Variants in OR4N2 observed in about 807,000 individuals in gnomAD.
The protein encoded by OR4N2 is olfactory receptor family 4 subfamily N member 2, also known as olfactory receptor 4N2.
For missense variants in OR4N2, 307 were observed against 377.6 expected, an observed-to-expected ratio of 0.81 and a Z score of 1.55; for synonymous variants, 141 against 140.4, an observed-to-expected ratio of 1.00 and a Z score of -0.03.
At chr14:19,823,428 G>A (rs1400365232) in intron 1 of OR4N2, among the ~76,000 whole-genome samples, 1 of 152,244 alleles carries the variant, frequency 6.6e-6, no homozygotes, top group African/African-American at 2.4e-5. Flanking sequence ...GGTTATTACT[G>A]AAGAGTGAAT....
At chr14:19,810,454 G>A (rs754443070) in intron 1 of OR4N2, among the ~76,000 whole-genome samples, 20 of 152,188 alleles carry the variant, frequency 1.3e-4, no homozygotes, top group Non-Finnish European at 1.5e-4. Context: ...ACTTAAAAGG[G>A]AATTATCATT....
chr14:19,820,073 G>A (rs1879526286), intron 1 of OR4N2, among the ~76,000 whole-genome samples: 1 of 152,240 alleles, frequency 6.6e-6, no homozygotes, highest in Non-Finnish European at 1.5e-5. Context: ...TGTCCCAGAG[G>A]GGCACCAGCC....
At chr14:19,811,687 T>C (rs900231061) in intron 1 of OR4N2, among the ~76,000 whole-genome samples, 10 of 152,288 alleles carry the variant, frequency 6.6e-5, no homozygotes, top group African/African-American at 2.2e-4. Context: ...ATTCACTGAA[T>C]GAAGGTGGAA....
intron 1 of OR4N2, among the ~76,000 whole-genome samples, chr14:19,817,776 T>C (rs1178719294): frequency 2.6e-5 from 4 of 152,268 alleles, no homozygotes; most frequent in East Asian, 1.9e-4. Context: ...TTAATTGTAA[T>C]GTTAGGGTGT....
chr14:19,804,878 G>A (rs1879125435), intron 1 of OR4N2, among the ~76,000 whole-genome samples: 1 of 152,182 alleles, frequency 6.6e-6, no homozygotes, highest in African/African-American at 2.4e-5. Context: ...GGGTACTTCT[G>A]TGTTGGATGT....
chr14:19,819,207 A>G (rs1402154678), intron 1 of OR4N2, among the ~76,000 whole-genome samples: 3 of 152,000 alleles, frequency 2.0e-5, no homozygotes, highest in Admixed American at 2.0e-4. Context: ...TGTTCTCTGT[A>G]TTTCCTGAAT....
intron 1 of OR4N2, among the ~76,000 whole-genome samples, chr14:19,806,149 T>C (rs1028931397): frequency 2.6e-5 from 4 of 152,148 alleles, no homozygotes; most frequent in Non-Finnish European, 5.9e-5. Context: ...CCATAGACAC[T>C]ATGAAGCACT....
rs1297438698 is a variant in OR4N2 at position 19,804,643 on chromosome 14, C to G, written c.-10+799C>G. Among the ~76,000 whole-genome samples, 4 of 152,144 alleles carry G rather than the reference C, an allele frequency of 2.6e-5. No homozygotes were observed. The East Asian group carries it at 7.7e-4, about 29-fold the overall frequency. ...TGTGTGGCTGATTTTAGAGTATGTG[C>G]CATATGCAGATGAGAAGAATGTATA... is the stretch of plus-strand genomic sequence containing the variant. On this transcript the variant is annotated intron_variant, in intron 1 of 1. Transcript: ENST00000557677.
At chr14:19,817,085 C>T (rs139080214) in intron 1 of OR4N2, among the ~76,000 whole-genome samples, 2,395 of 151,912 alleles carry the variant, frequency 0.016, 21 homozygotes, top group Non-Finnish European at 0.026. Flanking sequence ...CTGCTGGATT[C>T]GGTTTGCCAG....
intron 1 of OR4N2, among the ~76,000 whole-genome samples, chr14:19,806,711 A>G (rs555607985): frequency 2.5e-4 from 38 of 152,166 alleles, no homozygotes; most frequent in Non-Finnish European, 5.1e-4. Flanking sequence ...GACTAATTGG[A>G]CCTAATAAAC....
In OR4N2 at chr14:19,828,650, T is replaced by C. The variant is rs113808272; in HGVS notation, c.*278T>C. ...CTAAAAAGAAAAGTGAAATGATAAA[T>C]TGTGACTCTGGATTGGGAGTAACCA... On this transcript the variant is annotated 3_prime_UTR_variant, in exon 2 of 2. Transcript: ENST00000557677. 1,884 of 338,858 alleles carry C rather than the reference T, an allele frequency of 5.6e-3. No individual in the cohort carries two copies. The highest frequency in any genetic ancestry group is 0.035 in the African/African-American group (1,644 of 46,466). 21.0% of individuals were successfully genotyped at this position (338,858 alleles called of 1,614,324 possible). A position where few individuals can be genotyped will look rare whatever the true frequency, so the allele number is the denominator to read the frequency against.
rs1879820405 is a variant in OR4N2 at position 19,829,758 on chromosome 14, T to A, written c.*1386T>A. The A allele has an allele frequency of 6.6e-6, 1 of 152,096 alleles. No individual in the cohort carries two copies. 9.4% of individuals were successfully genotyped at this position (152,096 alleles called of 1,614,324 possible). On this transcript the variant is annotated 3_prime_UTR_variant, in exon 2 of 2. Coordinates refer to ENST00000557677, the MANE Select transcript of OR4N2 (RefSeq NM_001004723.3). ...ATCTGGAACCCCAAATGCAAGGGGG[T>A]CAAAAATTGAGTTTTAAAATATTTT...
chr14:19,825,322 A>C (rs1879666258), intron 1 of OR4N2, among the ~76,000 whole-genome samples: 1 of 152,218 alleles, frequency 6.6e-6, no homozygotes, highest in South Asian at 2.1e-4. Flanking sequence ...AATGCTTCTT[A>C]AAATACGTAC....
At position 19,829,487 on chromosome 14, in the gene OR4N2, T is replaced by C. The variant is rs1052894119; in HGVS notation, c.*1115T>C. On this transcript the variant is annotated 3_prime_UTR_variant, in exon 2 of 2. Transcript: ENST00000557677. Reference sequence around the variant, plus strand: ...ATAGGCTGGACGTCCAGAGATGCCTTACAGACTAACACAGGTGACCAATGT... The same window carrying C: ...ATAGGCTGGACGTCCAGAGATGCCTCACAGACTAACACAGGTGACCAATGT... 7 of 152,292 alleles carry C rather than the reference T, an allele frequency of 4.6e-5. No homozygotes were observed. The highest frequency in any genetic ancestry group is 1.4e-4 in the African/African-American group (6 of 41,478). The allele number at this position is 152,292 out of a possible 1,614,324, so 9.4% of individuals were successfully genotyped here. A position where few individuals can be genotyped will look rare whatever the true frequency, so the allele number is the denominator to read the frequency against.
chr14:19,815,708 T>A (rs1300268472), intron 1 of OR4N2, among the ~76,000 whole-genome samples: 3 of 151,926 alleles, frequency 2.0e-5, no homozygotes, highest in African/African-American at 7.3e-5. Flanking sequence ...TTTAATTAGA[T>A]CTCATTTGTC....
chr14:19,810,300 A>G (rs1879264717), intron 1 of OR4N2, among the ~76,000 whole-genome samples: 1 of 152,280 alleles, frequency 6.6e-6, no homozygotes, highest in Admixed American at 6.5e-5. Context: ...ATACCAACTC[A>G]CAGCAGTGAG....
chr14:19,825,116 T>C (rs72663747), intron 1 of OR4N2, among the ~76,000 whole-genome samples: 41,918 of 148,852 alleles, frequency 0.28, 2,913 homozygotes, highest in African/African-American at 0.32. Context: ...AAATATTTTT[T>C]CCTATTACAA....
intron 1 of OR4N2, among the ~76,000 whole-genome samples, chr14:19,815,444 T>C (rs1409400172): frequency 6.6e-6 from 1 of 152,250 alleles, no homozygotes; most frequent in East Asian, 1.9e-4. Context: ...TTTTTTTTCA[T>C]ATGTTTGTTG....
chr14:19,818,107 G>T (rs1686575), intron 1 of OR4N2, among the ~76,000 whole-genome samples: 99,432 of 150,780 alleles, frequency 0.66, 28,092 homozygotes, highest in East Asian at 0.72. Flanking sequence ...TTACTTCCAA[G>T]TATGTGGTCA....
Sources: gnomAD v4.1 joint callset for allele counts (sites outside exome capture counted in the v4.1 genomes callset) on GRCh38, gnomAD v4.1.1 for gene constraint, MANE v1.5 for transcripts, NCBI Gene and HGNC (gene_info 2026-07-23, HGNC 2026-07-21) for gene names.